Variants in KANSL3 observed in about 807,000 individuals in gnomAD.
KANSL3 encodes the protein NSL complex protein NSL3.
In KANSL3, 16 loss-of-function variants were observed where a neutral mutation model predicts 89.2. The observed-to-expected ratio is 0.18, with a 90% CI of 0.12 to 0.27. The LOEUF is 0.27. Among genes scored for constraint, KANSL3 ranks in the 10% least tolerant of loss-of-function variants. KANSL3 has a pLI of 1.00. For synonymous variants in KANSL3, 385 were observed against 419.7 expected (o/e 0.92, Z 1.01); for missense variants, 879 against 1,110.6 (o/e 0.79, Z 2.96).
At chr2:96,627,277 C>T (rs1047081279) in intron 3 of KANSL3, among the ~76,000 whole-genome samples, 8 of 151,874 alleles carry the variant, frequency 5.3e-5, no homozygotes, top group East Asian at 3.9e-4. Flanking sequence ...TGCAGTGGCA[C>T]GATCTCGGCT....
chr2:96,605,703 G>C (rs1176596308), intron 14 of KANSL3, 192 bp from the exon 15 acceptor site: 3 of 440,044 alleles, frequency 6.8e-6, no homozygotes, highest in African/African-American at 5.9e-5. Flanking sequence ...GTCCGTGGGG[G>C]ACCCCACTTT....
chr2:96,623,511 C>T (rs1233714334), intron 3 of KANSL3, among the ~76,000 whole-genome samples: 1 of 152,112 alleles, frequency 6.6e-6, no homozygotes, highest in Non-Finnish European at 1.5e-5. Context: ...TCACTTTGTA[C>T]AACTATCTAA....
In KANSL3 at chr2:96,604,804, G is replaced by A. The variant is rs1191423992; in HGVS notation, c.1993C>T (p.Leu665Phe). The change falls in exon 16 of 21, where the codon CTC (leucine) becomes TTC (phenylalanine). Residue 665 changes from leucine to phenylalanine, a missense_variant. Coordinates refer to ENST00000431828, the MANE Select transcript of KANSL3 (RefSeq NM_001115016.3). ...TTGGCTGTGGTGAGAAGTCCTGTGA[G>A]CTCCTTGGCCCCTGCTGAAGCCTGC... Reference protein sequence around the residue: ...LGQASAGAKELTGLLTTAKSS... With the variant: ...LGQASAGAKEFTGLLTTAKSS... 4.4e-6 allele frequency: 7 copies of A among 1,598,926 alleles called. No homozygotes were observed. Among genetic ancestry groups the A allele is most frequent in the Non-Finnish European group, 6.0e-6 (7 of 1,172,814 alleles).
chr2:96,599,648 G>A (rs1243600104), intron 20 of KANSL3: 4 of 320,256 alleles, frequency 1.2e-5, no homozygotes, highest in African/African-American at 4.5e-5. Context: ...AAAAATATGA[G>A]CCACTGACAG....
At chr2:96,612,223 G>T in intron 9 of KANSL3, 59 bp downstream of exon 9, 1 of 1,166,322 alleles carries the variant, frequency 8.6e-7, no homozygotes, top group Non-Finnish European at 1.3e-6. Context: ...CTCAATGGTA[G>T]CTATGATTAG....
At chr2:96,589,746 G>C (rs1178464772), downstream of KANSL3, among the ~76,000 whole-genome samples, 1 of 152,050 alleles carries the variant, frequency 6.6e-6, no homozygotes, top group African/African-American at 2.4e-5. Context: ...ACACATTTAA[G>C]CACCCACAGA....
intron 2 of KANSL3, chr2:96,634,311 C>T (rs2073933738): frequency 6.6e-6 from 1 of 152,282 alleles, no homozygotes; most frequent in African/African-American, 2.4e-5. Flanking sequence ...TGCTTAAAGT[C>T]ATGAGTTCAA....
intron 9 of KANSL3, among the ~76,000 whole-genome samples, chr2:96,611,365 C>T (rs900758208): frequency 2.0e-5 from 3 of 152,152 alleles, no homozygotes; most frequent in African/African-American, 7.2e-5. Context: ...CTAAGAGGAC[C>T]CCAGCAGGTG....
In KANSL3 at chr2:96,602,882, G is replaced by C; in HGVS notation, c.2150-20C>G. The C allele has an allele frequency of 3.7e-6, 6 of 1,608,440 alleles. No individual in the cohort carries two copies. The East Asian group carries it at 6.7e-5, about 18-fold the overall frequency. Reference sequence around the variant, plus strand: ...TGGCCCCTAAGAGAGGACATAGCAGGAATCAGTAGAGACTCAATCACTTGC... The same window carrying C: ...TGGCCCCTAAGAGAGGACATAGCAGCAATCAGTAGAGACTCAATCACTTGC... On this transcript the variant is annotated intron_variant, in intron 17 of 20. Transcript: ENST00000431828.
rs1335482876 is a variant in KANSL3 at position 96,608,951 on chromosome 2, G to A, written c.1497C>T (p.Arg499=). Residue 499 remains arginine, a synonymous_variant, in exon 13 of 21, where the codon CGC becomes CGT. Coordinates refer to ENST00000431828, the MANE Select transcript of KANSL3 (RefSeq NM_001115016.3). ...EKKKKPRDVA[R]RDLAFEVPER... The stretch of plus-strand genomic sequence containing the variant: ...CAGGGACTTCAAAGGCCAAGTCTCT[G>A]CGGGCCACATCGCGGGGCTTCTTCT... 1 of 1,565,990 alleles carries A rather than the reference G, an allele frequency of 6.4e-7. No individual in the cohort carries two copies. The highest frequency in any genetic ancestry group is 1.9e-5 in the Admixed American group (1 of 52,432).
the KANSL3 span, among the ~76,000 whole-genome samples, chr2:96,587,452 C>T: frequency 6.6e-6 from 1 of 152,200 alleles, no homozygotes; most frequent in Admixed American, 6.5e-5. Flanking sequence ...GTAAAGACTC[C>T]ACCCCAATGT....
intron 5 of KANSL3, among the ~76,000 whole-genome samples, chr2:96,614,830 C>T (rs2069684116): frequency 6.6e-6 from 1 of 150,718 alleles, no homozygotes; most frequent in Non-Finnish European, 1.5e-5. Context: ...TCTCTACTCC[C>T]CTAATGCTAA....
At chr2:96,614,093 G>T (rs2069505571) in intron 5 of KANSL3, among the ~76,000 whole-genome samples, 1 of 152,080 alleles carries the variant, frequency 6.6e-6, no homozygotes, top group African/African-American at 2.4e-5. Flanking sequence ...ATATTTACAA[G>T]AATTTATTTA....
At chr2:96,621,278 G>A (rs1275158554) in intron 3 of KANSL3, among the ~76,000 whole-genome samples, 1 of 152,166 alleles carries the variant, frequency 6.6e-6, no homozygotes, top group African/African-American at 2.4e-5. Flanking sequence ...CACTTTGGGA[G>A]GCCAAGGTGG....
At chr2:96,612,654 T>A in intron 7 of KANSL3, 91 bp from the exon 8 acceptor site, 1 of 1,233,420 alleles carries the variant, frequency 8.1e-7, no homozygotes, top group Non-Finnish European at 1.2e-6. Context: ...AACCTTGGAA[T>A]TCCACATGAA....
intron 3 of KANSL3, among the ~76,000 whole-genome samples, chr2:96,621,045 C>G (rs2071171307): frequency 6.6e-6 from 1 of 151,894 alleles, no homozygotes. Context: ...GGTGCTACAC[C>G]CAAATGAGAC....
At chr2:96,627,988 G>A in intron 3 of KANSL3, 2 of 1,290,052 alleles carry the variant, frequency 1.6e-6, no homozygotes, top group Non-Finnish European at 2.0e-6. Flanking sequence ...CAGACACTAA[G>A]AAAACAAATA....
chr2:96,586,349 A>G, the KANSL3 span, among the ~76,000 whole-genome samples: 1 of 152,160 alleles, frequency 6.6e-6, no homozygotes, highest in South Asian at 2.1e-4. Context: ...AAAATCTCAG[A>G]AATCACCACT....
intron 3 of KANSL3, among the ~76,000 whole-genome samples, chr2:96,622,804 C>T (rs2071553531): frequency 6.6e-6 from 1 of 152,236 alleles, no homozygotes; most frequent in Non-Finnish European, 1.5e-5. Context: ...GCACACACAA[C>T]AGGCATGCTC....
Sources: allele counts gnomAD v4.1 joint callset (sites outside exome capture counted in the v4.1 genomes callset), GRCh38; gene constraint gnomAD v4.1.1; transcripts MANE v1.5; gene names NCBI Gene and HGNC (gene_info 2026-07-23, HGNC 2026-07-21).